TRAF3IP1: variants seen among roughly 807,000 people sequenced by gnomAD.
The protein encoded by TRAF3IP1 is TRAF3-interacting protein 1.
Under a neutral mutation model 89.9 loss-of-function variants are expected in TRAF3IP1, and 53 were observed. That is an observed-to-expected ratio of 0.59 (90% CI 0.47 to 0.74). The LOEUF (loss-of-function observed/expected upper bound fraction) is 0.74. Ranked by LOEUF, TRAF3IP1 falls within the 30% of genes least tolerant of loss-of-function variation. TRAF3IP1 has a pLI of 0.00. For synonymous variants in TRAF3IP1, 311 were observed against 322.1 expected (o/e 0.97, Z 0.37); for missense variants, 806 against 866.1 (o/e 0.93, Z 0.87).
intron 3 of TRAF3IP1, among the ~76,000 whole-genome samples, chr2:238,328,100 C>A (rs1209003255): frequency 6.6e-6 from 1 of 152,020 alleles, no homozygotes; most frequent in Non-Finnish European, 1.5e-5. Context: ...GGATAAATAC[C>A]CAGAAGGGGA....
chr2:238,320,704 G>C lies in TRAF3IP1; in HGVS notation c.42G>C (p.Gly14=), dbSNP rs766609697. The C allele has an allele frequency of 6.3e-6, 9 of 1,439,948 alleles. No individual in the cohort carries two copies. Among genetic ancestry groups the C allele is most frequent in the Non-Finnish European group, 7.4e-6 (8 of 1,084,512 alleles). 89.2% of individuals were successfully genotyped at this position (1,439,948 alleles called of 1,614,324 possible). ...TGAGGCGGACGCAGGAGGCGCTGGG[G>C]AAAGTGATTCGGAGGCCGCCGCTGA... ...AVVRRTQEAL[G]KVIRRPPLTE... Residue 14 remains glycine, a synonymous_variant, in exon 1 of 17, where the codon GGG becomes GGC. Coordinates refer to ENST00000373327, the MANE Select transcript of TRAF3IP1 (RefSeq NM_015650.4).
intron 15 of TRAF3IP1, among the ~76,000 whole-genome samples, chr2:238,395,321 G>T (rs1325137741): frequency 6.6e-6 from 1 of 152,170 alleles, no homozygotes; most frequent in Non-Finnish European, 1.5e-5. Flanking sequence ...GGGAAAACTG[G>T]CTAGCCATAT....
intron 1 of TRAF3IP1, among the ~76,000 whole-genome samples, chr2:238,324,135 C>T (rs1204741755): frequency 6.6e-6 from 1 of 151,938 alleles, no homozygotes; most frequent in African/African-American, 2.4e-5. Flanking sequence ...TGGCATGATT[C>T]TGACTCACTC....
chr2:238,384,378 A>ATGTATG (rs71402786), intron 15 of TRAF3IP1, among the ~76,000 whole-genome samples: 13 of 86,056 alleles, frequency 1.5e-4, no homozygotes, highest in South Asian at 7.2e-4. Flanking sequence ...GTATGTATGT[A>ATGTATG]TGTATATATA....
chr2:238,368,678 A>AT (rs927463284), intron 15 of TRAF3IP1, among the ~76,000 whole-genome samples: 5 of 151,644 alleles, frequency 3.3e-5, no homozygotes, highest in South Asian at 4.2e-4. Flanking sequence ...GTTATTAATA[A>AT]TTTTTTTTTG....
Position 238,392,738 on chromosome 2 carries a change from A to G in TRAF3IP1, c.1690-4721A>G, listed in dbSNP as rs184969851. 2.3e-3 allele frequency among the ~76,000 whole-genome samples: 348 copies of G among 152,166 alleles called. 1 individual carries two copies. Among genetic ancestry groups the G allele is most frequent in the African/African-American group, 8.2e-3 (340 of 41,542 alleles). ...ATTACAGGCATGCGCCACCGCGCCCAGCTAACTTTGTATTTTTAGTATAGA... is the reference window on the plus strand; with the variant it reads ...ATTACAGGCATGCGCCACCGCGCCCGGCTAACTTTGTATTTTTAGTATAGA... On this transcript the variant is annotated intron_variant, in intron 15 of 16. Transcript: ENST00000373327.
At chr2:238,348,211 A>G (rs1189633446) in intron 10 of TRAF3IP1, among the ~76,000 whole-genome samples, 1 of 152,128 alleles carries the variant, frequency 6.6e-6, no homozygotes, top group African/African-American at 2.4e-5. Context: ...ATGCAAAAAA[A>G]AAAGAACAAA....
At chr2:238,347,083 G>T in intron 9 of TRAF3IP1, 1 of 192,720 alleles carries the variant, frequency 5.2e-6, no homozygotes, top group Non-Finnish European at 1.1e-5. Context: ...GATTTGGTTG[G>T]CCGGGTTCAG....
At chr2:238,378,552 T>C (rs1481022101) in intron 15 of TRAF3IP1, among the ~76,000 whole-genome samples, 2 of 152,230 alleles carry the variant, frequency 1.3e-5, no homozygotes, top group Admixed American at 6.5e-5. Context: ...CTATATTTAA[T>C]TTGCTGACAT....
chr2:238,332,778 T>A lies in TRAF3IP1; in HGVS notation c.916-46T>A. The A allele has an allele frequency of 2.9e-6, 4 of 1,389,454 alleles. No individual in the cohort carries two copies. The Admixed American group carries it at 7.5e-5, about 26-fold the overall frequency. 86.1% of individuals were successfully genotyped at this position (1,389,454 alleles called of 1,614,324 possible). ...TATCTTGGCATATTTTTAGATATTA[T>A]GGATTGGAATAATTCTAAAGTTTGA... On this transcript the variant is annotated intron_variant, in intron 5 of 16. Transcript: ENST00000373327.
intron 15 of TRAF3IP1, among the ~76,000 whole-genome samples, chr2:238,396,435 C>A: frequency 6.7e-6 from 1 of 149,834 alleles, no homozygotes; most frequent in Non-Finnish European, 1.5e-5. Flanking sequence ...TGTTAAATGA[C>A]GAGTTAATGG....
At chr2:238,393,481 T>C in intron 15 of TRAF3IP1, among the ~76,000 whole-genome samples, 1 of 152,184 alleles carries the variant, frequency 6.6e-6, no homozygotes, top group East Asian at 1.9e-4. Context: ...TTCTGTGACT[T>C]ACCTTTGCGG....
chr2:238,380,712 T>C (rs932950144), intron 15 of TRAF3IP1, among the ~76,000 whole-genome samples: 1 of 152,138 alleles, frequency 6.6e-6, no homozygotes. Context: ...ACCCCAACAA[T>C]ATTTTAAAGG....
chr2:238,325,717 C>A, intron 2 of TRAF3IP1, 92 bp from the exon 3 acceptor site: 1 of 1,286,960 alleles, frequency 7.8e-7, no homozygotes, highest in Non-Finnish European at 1.1e-6. Context: ...TGTATGTAAA[C>A]AGAAACTATC....
At chr2:238,334,485 C>T (rs1353827927) in intron 7 of TRAF3IP1, among the ~76,000 whole-genome samples, 1 of 151,708 alleles carries the variant, frequency 6.6e-6, no homozygotes, top group Non-Finnish European at 1.5e-5. Context: ...ATGTACAGGC[C>T]TGGCCTGCGG....
chr2:238,346,792 C>G (rs75825919), intron 9 of TRAF3IP1, among the ~76,000 whole-genome samples: 1 of 152,166 alleles, frequency 6.6e-6, no homozygotes, highest in African/African-American at 2.4e-5. Flanking sequence ...TCTGCAAATG[C>G]GTTCGTGCAT....
At chr2:238,372,708 C>T (rs1274311940) in intron 15 of TRAF3IP1, among the ~76,000 whole-genome samples, 4 of 152,252 alleles carry the variant, frequency 2.6e-5, no homozygotes, top group Admixed American at 6.5e-5. Context: ...AATAACCACA[C>T]TGTCTTCCAC....
At chr2:238,340,526 C>T (rs1698591796) in intron 8 of TRAF3IP1, among the ~76,000 whole-genome samples, 1 of 152,086 alleles carries the variant, frequency 6.6e-6, no homozygotes, top group Non-Finnish European at 1.5e-5. Flanking sequence ...TTATCCATTT[C>T]TTTTTCAAAA....
Position 238,348,690 on chromosome 2 carries a change from G to A in TRAF3IP1, c.1283-74G>A. 5 of 1,284,894 alleles carry A rather than the reference G, an allele frequency of 3.9e-6. No homozygotes were observed. The South Asian group carries it at 4.9e-5, about 13-fold the overall frequency. The allele number at this position is 1,284,894 out of a possible 1,614,324, so 79.6% of individuals were successfully genotyped here. On this transcript the variant is annotated intron_variant, in intron 10 of 16. Transcript: ENST00000373327. ...ATTGCAAATAACTGCAAATACAGAT[G>A]CAAATAGTATTTTCAAATAGTTATC...
Sources: gnomAD v4.1 joint callset for allele counts (sites outside exome capture counted in the v4.1 genomes callset) on GRCh38, gnomAD v4.1.1 for gene constraint, MANE v1.5 for transcripts, NCBI Gene and HGNC (gene_info 2026-07-23, HGNC 2026-07-21) for gene names.